GRM3: variants seen among roughly 807,000 people sequenced by gnomAD.
GRM3 encodes metabotropic glutamate receptor 3.
A neutral mutation model predicts 70.5 loss-of-function variants in GRM3; 26 were observed. That is an observed-to-expected ratio of 0.37 (90% confidence interval 0.27 to 0.51). The LOEUF (loss-of-function observed/expected upper bound fraction) is 0.51. GRM3 is among the 20% of genes least tolerant of loss of function. The probability of loss-of-function intolerance (pLI) is 0.93; values close to 1 mark genes in which losing one functional copy is unlikely to be tolerated. For synonymous variants in GRM3, 443 were observed against 434.9 expected (o/e 1.02, Z -0.23); for missense variants, 859 against 1,123.8 (o/e 0.76, Z 3.37).
intron 1 of GRM3, among the ~76,000 whole-genome samples, chr7:86,712,227 G>A (rs1313515139): frequency 2.0e-5 from 3 of 151,958 alleles, no homozygotes; most frequent in African/African-American, 7.2e-5. Context: ...CACTGTAGCT[G>A]TATTTGTAAG....
chr7:86,716,025 C>A (rs1795305993), intron 1 of GRM3, among the ~76,000 whole-genome samples: 2 of 151,968 alleles, frequency 1.3e-5, no homozygotes, highest in African/African-American at 4.8e-5. Context: ...TGGTACTTTT[C>A]ATCCTCAAAG....
chr7:86,843,793 A>G (rs1052537852), intron 4 of GRM3, among the ~76,000 whole-genome samples: 1 of 152,194 alleles, frequency 6.6e-6, no homozygotes, highest in Non-Finnish European at 1.5e-5. Context: ...GAGATGGAGC[A>G]TAAATAATGA....
intron 1 of GRM3, among the ~76,000 whole-genome samples, chr7:86,714,490 T>C (rs944099401): frequency 1.3e-5 from 2 of 151,906 alleles, no homozygotes; most frequent in African/African-American, 4.8e-5. Flanking sequence ...GAGGGTAACT[T>C]GCCCAAGTCA....
At chr7:86,861,183 T>C (rs1295871064) in intron 5 of GRM3, among the ~76,000 whole-genome samples, 1 of 152,212 alleles carries the variant, frequency 6.6e-6, no homozygotes, top group East Asian at 1.9e-4. Flanking sequence ...AAAGCCCACC[T>C]GTCTGAAAAT....
At position 86,811,980 on chromosome 7, in the gene GRM3, T is replaced by C. The variant is rs184369490; in HGVS notation, c.1324+24864T>C. 2.6e-4 allele frequency among the ~76,000 whole-genome samples: 39 copies of C among 151,598 alleles called. 1 individual carries two copies. The highest frequency in any genetic ancestry group is 3.4e-3 in the Middle Eastern group (1 of 294). ...CTTATAATTTCTATATAATAGAAAT[T>C]ATATAATAAGTTTCTGTACTTACAG... On this transcript the variant is annotated intron_variant, in intron 3 of 5. Transcript: ENST00000361669.
chr7:86,702,967 C>A (rs577897338), intron 1 of GRM3, among the ~76,000 whole-genome samples: 1 of 152,054 alleles, frequency 6.6e-6, no homozygotes, highest in Non-Finnish European at 1.5e-5. Context: ...TGATTTCCCA[C>A]AAGCTGTATA....
At chr7:86,700,758 G>A (rs557503135) in intron 1 of GRM3, among the ~76,000 whole-genome samples, 2 of 151,986 alleles carry the variant, frequency 1.3e-5, no homozygotes, top group South Asian at 2.1e-4. Flanking sequence ...AATGCAATGT[G>A]AATGGGGTCA....
intron 3 of GRM3, among the ~76,000 whole-genome samples, chr7:86,816,746 G>A (rs1407542000): frequency 1.3e-5 from 2 of 151,724 alleles, no homozygotes; most frequent in African/African-American, 2.4e-5. Context: ...ATAGTGCTGC[G>A]ATGAACATAT....
intron 1 of GRM3, among the ~76,000 whole-genome samples, chr7:86,758,750 G>A (rs904646216): frequency 6.6e-6 from 1 of 152,102 alleles, no homozygotes; most frequent in East Asian, 1.9e-4. Flanking sequence ...AAAGAAAATA[G>A]GAGATGAATA....
chr7:86,683,834 T>A (rs979540613), intron 1 of GRM3, among the ~76,000 whole-genome samples: 17 of 152,248 alleles, frequency 1.1e-4, no homozygotes, highest in African/African-American at 4.1e-4. Context: ...TTTCTATATC[T>A]AGTACAAAAG....
chr7:86,791,807 A>G (rs207468191), intron 3 of GRM3, among the ~76,000 whole-genome samples: 2 of 152,186 alleles, frequency 1.3e-5, no homozygotes, highest in African/African-American at 4.8e-5. Flanking sequence ...TTCAGTTGAC[A>G]CAAAGGTGGT....
chr7:86,766,292 A>G (rs932247479), intron 2 of GRM3, among the ~76,000 whole-genome samples: 1 of 152,008 alleles, frequency 6.6e-6, no homozygotes, highest in African/African-American at 2.4e-5. Context: ...TTACTAAAGC[A>G]TTTTTTTGTT....
At chr7:86,717,459 T>C (rs926473161) in intron 1 of GRM3, among the ~76,000 whole-genome samples, 4 of 152,008 alleles carry the variant, frequency 2.6e-5, no homozygotes, top group African/African-American at 7.2e-5. Context: ...TCCTGTTTTA[T>C]TCTGTTCACT....
chr7:86,830,440 G>T (rs1006244398), intron 3 of GRM3, among the ~76,000 whole-genome samples: 1 of 152,096 alleles, frequency 6.6e-6, no homozygotes, highest in African/African-American at 2.4e-5. Flanking sequence ...TAGTCTTGGG[G>T]TTTGCTTCTA....
intron 3 of GRM3, among the ~76,000 whole-genome samples, chr7:86,794,373 G>A (rs1337748622): frequency 6.6e-6 from 1 of 152,174 alleles, no homozygotes; most frequent in Admixed American, 6.5e-5. Flanking sequence ...TACTGAAATA[G>A]AGGAATGTTC....
intron 1 of GRM3, among the ~76,000 whole-genome samples, chr7:86,745,974 A>T (rs1165841252): frequency 6.6e-6 from 1 of 152,024 alleles, no homozygotes; most frequent in East Asian, 1.9e-4. Flanking sequence ...AAAGAATTAA[A>T]ACTAAACAGA....
In GRM3 at chr7:86,804,591, A is replaced by G. The variant is rs560925491; in HGVS notation, c.1324+17475A>G. Among the ~76,000 whole-genome samples the G allele has an allele frequency of 5.2e-3, 792 of 152,136 alleles. 10 individuals carry two copies. The highest frequency in any genetic ancestry group is 7.9e-3 in the Non-Finnish European group (535 of 67,986). On this transcript the variant is annotated intron_variant, in intron 3 of 5. Transcript: ENST00000361669. ...CGTCCAGCTAACTTTTTGTATTTTT[A>G]ATAGAGACGGGGTTTCACCATGTTG...
At position 86,807,530 on chromosome 7, in the gene GRM3, G is replaced by T. The variant is rs542495842; in HGVS notation, c.1324+20414G>T. ...CAATTGTGAATGGGAGTTCACTCAT[G>T]ATTTGGCTCTCTGTTTGTCTGTTAT... On this transcript the variant is annotated intron_variant, in intron 3 of 5. Transcript: ENST00000361669. 5.5e-4 allele frequency among the ~76,000 whole-genome samples: 83 copies of T among 151,694 alleles called. 2 individuals are homozygous for T. The highest frequency in any genetic ancestry group is 3.1e-4 in the Non-Finnish European group (21 of 67,968).
chr7:86,806,202 T>A (rs1009618855), intron 3 of GRM3, among the ~76,000 whole-genome samples: 1 of 152,226 alleles, frequency 6.6e-6, no homozygotes, highest in Admixed American at 6.5e-5. Flanking sequence ...AGTGCCACAA[T>A]TAACATACAT....
Sources: allele counts gnomAD v4.1 joint callset (sites outside exome capture counted in the v4.1 genomes callset), GRCh38; gene constraint gnomAD v4.1.1; transcripts MANE v1.5; gene names NCBI Gene and HGNC (gene_info 2026-07-23, HGNC 2026-07-21).